The following OTUD7A variants were observed in gnomAD, a reference collection of about 807,000 sequenced individuals.
The protein encoded by OTUD7A is OTU deubiquitinase 7A, also known as OTU domain-containing protein 7A.
A neutral mutation model predicts 65.7 loss-of-function variants in OTUD7A; 12 were observed. The ratio of observed to expected loss-of-function variants is 0.18; its 90% CI spans 0.12 to 0.30. The LOEUF is 0.30. OTUD7A is among the 10% of genes least tolerant of loss of function. The probability of loss-of-function intolerance (pLI) is 1.00; values close to 1 mark genes in which losing one functional copy is unlikely to be tolerated. For missense variants in OTUD7A, 1,148 were observed against 1,304.8 expected (o/e 0.88, Z 1.85); for synonymous variants, 641 against 586.3 (o/e 1.09, Z -1.35).
chr15:31,708,228 T>A (rs2141333830), intron 1 of OTUD7A, among the ~76,000 whole-genome samples: 1 of 152,262 alleles, frequency 6.6e-6, no homozygotes, highest in African/African-American at 2.4e-5. Flanking sequence ...GTTTCTAACA[T>A]CCGGTGGTGG....
intron 4 of OTUD7A, among the ~76,000 whole-genome samples, chr15:31,566,767 C>T (rs1888889121): frequency 6.6e-6 from 1 of 152,178 alleles, no homozygotes; most frequent in Non-Finnish European, 1.5e-5. Flanking sequence ...TGGCACCTCC[C>T]ACCCACCACT....
intron 1 of OTUD7A, among the ~76,000 whole-genome samples, chr15:31,777,110 G>A (rs865882003): frequency 2.6e-5 from 4 of 152,298 alleles, no homozygotes; most frequent in Non-Finnish European, 5.9e-5. Flanking sequence ...GGTTCTGGAG[G>A]CTGGGGAGTC....
Position 31,483,931 on chromosome 15 carries a change from G to C in OTUD7A, c.2165C>G (p.Thr722Arg), listed in dbSNP as rs1335963483. The C allele has an allele frequency of 1.8e-6, 2 of 1,095,924 alleles. No individual in the cohort carries two copies. The highest frequency in any genetic ancestry group is 2.2e-6 in the Non-Finnish European group (2 of 893,538). The allele number at this position is 1,095,924 out of a possible 1,614,324, so 67.9% of individuals were successfully genotyped here. ...VPERASPGPP[T>R]QLVLKLKERP... ...CTCCTTGAGCTTGAGCACCAGCTGC[G>C]TGGGTGGGCCCGGAGAGGCGCGCTC... The change falls in exon 13 of 13, where the codon ACG (threonine) becomes AGG (arginine). Residue 722 changes from threonine (T) to arginine (R), a missense_variant. Physicochemically the swap from Thr to Arg is moderately conservative, Grantham distance 71. Around this residue, in one of 6 missense-constraint regions of OTUD7A, gnomAD observed 842 missense variants for 769.5 expected, o/e 1.09. Transcript: ENST00000307050.
chr15:31,518,774 C>A (rs1426814184), intron 8 of OTUD7A, among the ~76,000 whole-genome samples: 2 of 152,260 alleles, frequency 1.3e-5, no homozygotes, highest in African/African-American at 4.8e-5. Context: ...CAGAGCCAGT[C>A]TGAGGAGGCT....
intron 1 of OTUD7A, among the ~76,000 whole-genome samples, chr15:31,686,538 A>G (rs1892841009): frequency 1.3e-5 from 2 of 152,358 alleles, no homozygotes; most frequent in African/African-American, 4.8e-5. Flanking sequence ...CTCCTGGGAA[A>G]GCAGAAAAGA....
intron 5 of OTUD7A, among the ~76,000 whole-genome samples, chr15:31,552,791 G>A (rs907732228): frequency 6.6e-6 from 1 of 152,210 alleles, no homozygotes; most frequent in Non-Finnish European, 1.5e-5. Context: ...TCGCAGCCGC[G>A]ACTCTGCCTG....
chr15:31,533,634 T>A (rs1887706215), intron 5 of OTUD7A, among the ~76,000 whole-genome samples: 1 of 152,178 alleles, frequency 6.6e-6, no homozygotes, highest in Admixed American at 6.5e-5. Context: ...GAGATTTTGT[T>A]CCTAGCAAGC....
intron 1 of OTUD7A, among the ~76,000 whole-genome samples, chr15:31,797,619 T>A (rs1471482006): frequency 6.6e-6 from 1 of 152,206 alleles, no homozygotes; most frequent in Non-Finnish European, 1.5e-5. Flanking sequence ...ATTCCTCAGG[T>A]GACACCTGCA....
At chr15:31,648,071 T>C (rs932159705) in intron 3 of OTUD7A, among the ~76,000 whole-genome samples, 5 of 151,656 alleles carry the variant, frequency 3.3e-5, no homozygotes, top group Non-Finnish European at 7.4e-5. Context: ...GTATGAAAAA[T>C]TGGAGGAAAT....
chr15:31,648,678 C>G (rs1168635781), intron 3 of OTUD7A, among the ~76,000 whole-genome samples: 1 of 152,156 alleles, frequency 6.6e-6, no homozygotes, highest in Non-Finnish European at 1.5e-5. Flanking sequence ...TCAAGATGTC[C>G]TGTCTTTTTA....
chr15:31,790,798 T>A (rs1895793759), intron 1 of OTUD7A, among the ~76,000 whole-genome samples: 1 of 152,144 alleles, frequency 6.6e-6, no homozygotes, highest in Non-Finnish European at 1.5e-5. Flanking sequence ...AGATGCTGCC[T>A]CATGATGGGC....
At chr15:31,600,629 A>G (rs1006889875) in intron 3 of OTUD7A, among the ~76,000 whole-genome samples, 1 of 152,232 alleles carries the variant, frequency 6.6e-6, no homozygotes, top group Non-Finnish European at 1.5e-5. Flanking sequence ...TTAAATGTAA[A>G]TGGGCTAAAT....
chr15:31,851,844 TTTTG>T (rs1411129337), intron 1 of OTUD7A, among the ~76,000 whole-genome samples: 10 of 152,168 alleles, frequency 6.6e-5, no homozygotes, highest in Non-Finnish European at 1.2e-4. Context: ...CCATTTTGTG[TTTTG>T]TTTGTTTTGT....
chr15:31,733,003 C>T (rs1326181774), intron 1 of OTUD7A, among the ~76,000 whole-genome samples: 1 of 152,192 alleles, frequency 6.6e-6, no homozygotes, highest in Non-Finnish European at 1.5e-5. Context: ...GCAGACAAAA[C>T]ATAAGAATTA....
At chr15:31,507,898 T>C (rs1251142369) in intron 8 of OTUD7A, among the ~76,000 whole-genome samples, 2 of 152,200 alleles carry the variant, frequency 1.3e-5, no homozygotes. Context: ...TGGCTTCACC[T>C]CTCAGTAGGA....
chr15:31,508,462 G>A (rs543414019), intron 8 of OTUD7A, among the ~76,000 whole-genome samples: 9 of 152,318 alleles, frequency 5.9e-5, no homozygotes, highest in South Asian at 2.1e-4. Context: ...CCATTCTCCC[G>A]CCTCAGCCTC....
At position 31,753,703 on chromosome 15, in the gene OTUD7A, T is replaced by TG. The variant is rs1491493352; in HGVS notation, c.-99-96627_-99-96626insC. Among the ~76,000 whole-genome samples, 41 of 3,034 alleles carry TG rather than the reference T, an allele frequency of 0.014. No individual in the cohort carries two copies. In the South Asian group the frequency reaches 0.37, roughly 27 times the overall value. 2.0% of individuals were successfully genotyped at this position (3,034 alleles called of 152,430 possible). A position where few individuals can be genotyped will look rare whatever the true frequency, so the allele number is the denominator to read the frequency against. On this transcript the variant is annotated intron_variant, in intron 1 of 12. Coordinates refer to ENST00000307050, the MANE Select transcript of OTUD7A (RefSeq NM_001382637.1). ...ACCTGTGAGATATATATATATATAT[T>TG]ATATATATATATATATATTATATAT... is the stretch of plus-strand genomic sequence containing the variant.
At position 31,483,243 on chromosome 15, in the gene OTUD7A, A is replaced by T. The variant is rs1446108424; in HGVS notation, c.*51T>A. ...TGTAAAAAAGACACCGACACAATGG[A>T]AAAGAAATCCTCGAAGGTAGAACCT... On this transcript the variant is annotated 3_prime_UTR_variant, in exon 13 of 13. Transcript: ENST00000307050. 4.7e-5 allele frequency: 50 copies of T among 1,060,534 alleles called. No homozygotes were observed. Among genetic ancestry groups the T allele is most frequent in the Non-Finnish European group, 5.5e-5 (48 of 880,038 alleles). The allele number at this position is 1,060,534 out of a possible 1,614,324, so 65.7% of individuals were successfully genotyped here. A position where few individuals can be genotyped will look rare whatever the true frequency, so the allele number is the denominator to read the frequency against.
At chr15:31,720,240 T>G (rs1893697160) in intron 1 of OTUD7A, among the ~76,000 whole-genome samples, 1 of 151,310 alleles carries the variant, frequency 6.6e-6, no homozygotes, top group Non-Finnish European at 1.5e-5. Flanking sequence ...CTTCCATCTG[T>G]GCCACATCCA....
Sources: allele counts gnomAD v4.1 joint callset (sites outside exome capture counted in the v4.1 genomes callset), GRCh38; gene constraint gnomAD v4.1.1; regional missense constraint gnomAD v4.1.1; transcripts MANE v1.5; gene names NCBI Gene and HGNC (gene_info 2026-07-23, HGNC 2026-07-21).